The following ZNF483 variants were observed in gnomAD, a reference collection of about 807,000 sequenced individuals.
The protein encoded by ZNF483 is zinc finger protein 483, also known as zinc finger protein HIT-10.
ZNF483 carries 9 observed loss-of-function variants against 28.6 expected under a neutral mutation model. The observed-to-expected ratio is 0.32, with a 90% CI of 0.19 to 0.55. ZNF483 has a LOEUF of 0.55. ZNF483 is among the 20% of genes least tolerant of loss of function. The pLI, the probability that ZNF483 is intolerant of heterozygous loss-of-function variation, is 0.93. For missense variants in ZNF483, 675 were observed against 871.7 expected, an observed-to-expected ratio of 0.77 and a Z score of 2.84; for synonymous variants, 322 against 306.2, an observed-to-expected ratio of 1.05 and a Z score of -0.54.
intron 3 of ZNF483, among the ~76,000 whole-genome samples, chr9:111,531,389 T>C (rs1166872588): frequency 6.6e-6 from 1 of 152,152 alleles, no homozygotes; most frequent in Non-Finnish European, 1.5e-5. Context: ...TTTTTTTTTC[T>C]TTCTTGAGAC....
intron 5 of ZNF483, chr9:111,564,334 C>T: frequency 1.7e-6 from 1 of 585,866 alleles, no homozygotes; most frequent in Non-Finnish European, 2.2e-6. Flanking sequence ...GAGACAGGGT[C>T]TCACTCTGTC....
At position 111,553,183 on chromosome 9, in the gene ZNF483, A is replaced by T. The variant is rs1828021553; in HGVS notation, c.*10013A>T. On this transcript the variant is annotated 3_prime_UTR_variant, in exon 6 of 6. Coordinates refer to ENST00000309235, the MANE Select transcript of ZNF483 (RefSeq NM_133464.5). ...TAAGTATTATCTACTATGTATCTTT[A>T]ACACTTTTGAATAGAACAAACAGCT... Among the ~76,000 whole-genome samples the T allele has an allele frequency of 6.6e-6, 1 of 152,182 alleles. No homozygotes were observed. The highest frequency in any genetic ancestry group is 1.5e-5 in the Non-Finnish European group (1 of 68,032).
chr9:111,566,123 A>C (rs1425312876), intron 5 of ZNF483, among the ~76,000 whole-genome samples: 1 of 152,112 alleles, frequency 6.6e-6, no homozygotes, highest in East Asian at 1.9e-4. Flanking sequence ...GAATCACTCG[A>C]ACCCAGGAAG....
At chr9:111,536,055 AT>A (rs1020688221) in intron 5 of ZNF483, among the ~76,000 whole-genome samples, 2 of 150,370 alleles carry the variant, frequency 1.3e-5, no homozygotes, top group Non-Finnish European at 1.5e-5. Context: ...CGCCCAGCTA[AT>A]TTTTTTTGTA....
Position 111,533,747 on chromosome 9 carries a change from A to G in ZNF483, c.510A>G (p.Ile170Met). 2 of 1,565,984 alleles carry G rather than the reference A, an allele frequency of 1.3e-6. No homozygotes were observed. The highest frequency in any genetic ancestry group is 2.4e-5 in the South Asian group (2 of 82,014). ...VCPNTESCESITLKDVAVNFS... is the reference protein window; with the variant it reads ...VCPNTESCESMTLKDVAVNFS... ...GCTGTTTGGTGTTCTAGGAATCTAT[A>G]ACATTGAAGGATGTAGCTGTGAACT... The change falls in exon 4 of 6, where the codon ATA becomes ATG. Residue 170 changes from isoleucine (I) to methionine (M), a missense_variant. Physicochemically the swap from Ile to Met is conservative, Grantham distance 10. Coordinates refer to ENST00000309235, the MANE Select transcript of ZNF483 (RefSeq NM_133464.5).
At chr9:111,568,234 C>T (rs1828658487) in intron 5 of ZNF483, among the ~76,000 whole-genome samples, 2 of 152,090 alleles carry the variant, frequency 1.3e-5, no homozygotes, top group Admixed American at 1.3e-4. Flanking sequence ...AATTCTTTTC[C>T]TAGCAAGGAA....
chr9:111,543,444 CTGATTTCTTCT>C lies in ZNF483; in HGVS notation c.*275_*285del. 8.5e-7 allele frequency: 1 copy of C among 1,173,448 alleles called. No homozygotes were observed. Among genetic ancestry groups the C allele is most frequent in the Non-Finnish European group, 1.1e-6 (1 of 947,174 alleles). The allele number at this position is 1,173,448 out of a possible 1,614,324, so 72.7% of individuals were successfully genotyped here. ...GCTCTTTTCTTCAGGGGATTTCTCT[CTGATTTCTTCT>C]ACTACCATGTAGTGTGATGGAGAGA... On this transcript the variant is annotated 3_prime_UTR_variant, in exon 6 of 6. Transcript: ENST00000309235.
At chr9:111,561,148 G>GGAGAGAGAGAGA (rs527553902) in intron 5 of ZNF483, among the ~76,000 whole-genome samples, 5 of 34,848 alleles carry the variant, frequency 1.4e-4, no homozygotes, top group South Asian at 1.1e-3. Flanking sequence ...GGAGAGAGAG[G>GGAGAGAGAGAGA]GAGAGAGAGA....
At position 111,544,463 on chromosome 9, in the gene ZNF483, G is replaced by T; in HGVS notation, c.*1293G>T. 1 of 718,318 alleles carries T rather than the reference G, an allele frequency of 1.4e-6. No individual in the cohort carries two copies. Among genetic ancestry groups the T allele is most frequent in the Non-Finnish European group, 1.7e-6 (1 of 585,814 alleles). The allele number at this position is 718,318 out of a possible 1,614,324, so 44.5% of individuals were successfully genotyped here. A position where few individuals can be genotyped will look rare whatever the true frequency, so the allele number is the denominator to read the frequency against. On this transcript the variant is annotated 3_prime_UTR_variant, in exon 6 of 6. Coordinates refer to ENST00000309235, the MANE Select transcript of ZNF483 (RefSeq NM_133464.5). Reference sequence around the variant, plus strand: ...AAATTATAAGGGCTAACAACACTGGGCTTTTATTTATGTAAAGCACTCAGC... The same window carrying T: ...AAATTATAAGGGCTAACAACACTGGTCTTTTATTTATGTAAAGCACTCAGC...
chr9:111,570,355 C>T (rs540941510), intron 5 of ZNF483: 41 of 1,354,484 alleles, frequency 3.0e-5, no homozygotes, highest in East Asian at 5.1e-5. Flanking sequence ...TTCTGATCCA[C>T]GGGACTGCTG....
intron 1 of ZNF483, among the ~76,000 whole-genome samples, chr9:111,526,250 T>TAGG (rs1827183570): frequency 6.6e-6 from 1 of 152,022 alleles, no homozygotes; most frequent in African/African-American, 2.4e-5. Flanking sequence ...GTGCAAAGGC[T>TAGG]AGGAGAGTAT....
At position 111,543,895 on chromosome 9, in the gene ZNF483, C is replaced by T. The variant is rs991536709; in HGVS notation, c.*725C>T. ...TCACTTTCCTGAGTAGCTGACATTACGGGTACACTCCATCAAGCCTGGTTC... is the reference window on the plus strand; with the variant it reads ...TCACTTTCCTGAGTAGCTGACATTATGGGTACACTCCATCAAGCCTGGTTC... On this transcript the variant is annotated 3_prime_UTR_variant, in exon 6 of 6. Transcript: ENST00000309235. 9.3e-5 allele frequency: 91 copies of T among 983,736 alleles called. No individual in the cohort carries two copies. The highest frequency in any genetic ancestry group is 1.0e-3 in the Middle Eastern group (2 of 1,934). The allele number at this position is 983,736 out of a possible 1,614,324, so 60.9% of individuals were successfully genotyped here.
chr9:111,573,582 T>G (rs1828925760), intron 5 of ZNF483, among the ~76,000 whole-genome samples: 1 of 151,842 alleles, frequency 6.6e-6, no homozygotes. Context: ...TCTCCTTTTT[T>G]GGGGGGGGAC....
chr9:111,531,849 T>A (rs1827355175), intron 3 of ZNF483, among the ~76,000 whole-genome samples: 2 of 152,174 alleles, frequency 1.3e-5, no homozygotes, highest in Non-Finnish European at 2.9e-5. Context: ...GCCCAGCTCA[T>A]TTTAAAATAT....
Position 111,549,656 on chromosome 9 carries a change from G to T in ZNF483, c.*6486G>T, listed in dbSNP as rs1827881891. The T allele has an allele frequency of 3.6e-6, 5 of 1,395,186 alleles. No homozygotes were observed. Among genetic ancestry groups the T allele is most frequent in the Non-Finnish European group, 4.9e-6 (5 of 1,022,360 alleles). 86.4% of individuals were successfully genotyped at this position (1,395,186 alleles called of 1,614,324 possible). On this transcript the variant is annotated 3_prime_UTR_variant, in exon 6 of 6. Transcript: ENST00000309235. Reference sequence around the variant, plus strand: ...AGCGGTCGTGGTGGTGGTGGCAGCGGCAGCAGGGTTCCCCATTGATTTTCT... The same window carrying T: ...AGCGGTCGTGGTGGTGGTGGCAGCGTCAGCAGGGTTCCCCATTGATTTTCT...
chr9:111,567,406 C>T (rs1054405354), intron 5 of ZNF483, among the ~76,000 whole-genome samples: 5 of 152,076 alleles, frequency 3.3e-5, no homozygotes, highest in Non-Finnish European at 7.3e-5. Flanking sequence ...CAGATGGTCT[C>T]GATCTCTTGA....
In ZNF483 at chr9:111,533,795, G is replaced by C; in HGVS notation, c.558G>C (p.Lys186Asn). ...AVNFSRGEWK[K>N]LEPFQKELYK... ...ACTTTTCAAGAGGAGAGTGGAAGAA[G>C]CTGGAGCCTTTTCAAAAGGAGCTAT... is the stretch of plus-strand genomic sequence containing the variant. Residue 186 changes from lysine to asparagine, a missense_variant, in exon 4 of 6, where the codon AAG (lysine) becomes AAC (asparagine). This residue lies in a region of ZNF483 where 525 missense variants were observed against 581.8 expected (regional missense o/e 0.90). Transcript: ENST00000309235. 6.3e-7 allele frequency: 1 copy of C among 1,590,724 alleles called. No homozygotes were observed. Among genetic ancestry groups the C allele is most frequent in the Non-Finnish European group, 8.5e-7 (1 of 1,173,366 alleles).
intron 5 of ZNF483, among the ~76,000 whole-genome samples, chr9:111,575,924 T>C (rs1009418395): frequency 6.6e-6 from 1 of 152,022 alleles, no homozygotes; most frequent in African/African-American, 2.4e-5. Context: ...AAAACTTTCA[T>C]GCTTCAAAGA....
downstream of ZNF483, among the ~76,000 whole-genome samples, chr9:111,557,216 A>T (rs976432972): frequency 6.6e-6 from 1 of 151,942 alleles, no homozygotes; most frequent in African/African-American, 2.4e-5. Flanking sequence ...TCTACTAAAA[A>T]TCCAAAAATT....
Sources: gnomAD v4.1 joint callset for allele counts (sites outside exome capture counted in the v4.1 genomes callset) on GRCh38, gnomAD v4.1.1 for gene constraint, gnomAD v4.1.1 regional missense constraint, MANE v1.5 for transcripts, NCBI Gene and HGNC (gene_info 2026-07-23, HGNC 2026-07-21) for gene names.